The following ACAP2 variants were observed in gnomAD, a reference collection of about 807,000 sequenced individuals.
ACAP2 encodes the protein arf-GAP with coiled-coil, ANK repeat and PH domain-containing protein 2.
Under a neutral mutation model 115.8 loss-of-function variants are expected in ACAP2, and 39 were observed. The observed-to-expected ratio is 0.34, with a 90% confidence interval of 0.26 to 0.44. The LOEUF is 0.44. Among genes scored for constraint, ACAP2 ranks in the 20% least tolerant of loss-of-function variants. ACAP2 has a pLI of 1.00. For missense variants in ACAP2, 662 were observed against 927.6 expected, an observed-to-expected ratio of 0.71 and a Z score of 3.72; for synonymous variants, 289 against 315.8, an observed-to-expected ratio of 0.92 and a Z score of 0.90.
At chr3:195,283,537 T>A (rs1489088373) in intron 22 of ACAP2, among the ~76,000 whole-genome samples, 1 of 152,110 alleles carries the variant, frequency 6.6e-6, no homozygotes, top group Non-Finnish European at 1.5e-5. Flanking sequence ...AGGATCTCAA[T>A]AAAACAAGCA....
At chr3:195,289,659 A>G (rs1560203864) in intron 20 of ACAP2, among the ~76,000 whole-genome samples, 1 of 151,594 alleles carries the variant, frequency 6.6e-6, no homozygotes, top group Non-Finnish European at 1.5e-5. Context: ...AAAAAAACAT[A>G]GCCGGGTGTG....
chr3:195,306,803 C>A (rs1728451011), intron 12 of ACAP2, 187 bp from the exon 13 acceptor site: 5 of 395,176 alleles, frequency 1.3e-5, no homozygotes, highest in Admixed American at 4.5e-5. Flanking sequence ...ATTAAGGTGC[C>A]AATGAAACAA....
chr3:195,357,930 A>C (rs1046420680), intron 4 of ACAP2: 2 of 152,358 alleles, frequency 1.3e-5, no homozygotes, highest in African/African-American at 4.8e-5. Flanking sequence ...AGGAGGAATT[A>C]CCAAACACTT....
intron 7 of ACAP2, among the ~76,000 whole-genome samples, chr3:195,335,034 G>A (rs1366396702): frequency 6.6e-6 from 1 of 152,086 alleles, no homozygotes; most frequent in African/African-American, 2.4e-5. Flanking sequence ...GATAGTCCAT[G>A]AGCTACGAAT....
chr3:195,404,175 A>T (rs1712545205), intron 1 of ACAP2, among the ~76,000 whole-genome samples: 1 of 152,108 alleles, frequency 6.6e-6, no homozygotes, highest in South Asian at 2.1e-4. Flanking sequence ...ATACACACAT[A>T]AAATAAGAAG....
chr3:195,425,250 G>A (rs188303835), intron 1 of ACAP2, among the ~76,000 whole-genome samples: 7 of 152,158 alleles, frequency 4.6e-5, no homozygotes, highest in African/African-American at 1.7e-4. Context: ...TACCCATCAA[G>A]ACTTAACGAT....
intron 4 of ACAP2, among the ~76,000 whole-genome samples, chr3:195,355,333 G>T (rs1577348347): frequency 7.5e-6 from 1 of 133,994 alleles, no homozygotes; most frequent in South Asian, 2.4e-4. Context: ...CCTTCCTCAT[G>T]GACAGCTAAC....
intron 2 of ACAP2, among the ~76,000 whole-genome samples, chr3:195,383,470 G>C (rs1047501216): frequency 3.3e-5 from 5 of 151,668 alleles, no homozygotes; most frequent in African/African-American, 1.2e-4. Context: ...TCATCTGAAG[G>C]GGATAAAAAA....
At chr3:195,421,635 G>T (rs540949829) in intron 1 of ACAP2, among the ~76,000 whole-genome samples, 3 of 152,240 alleles carry the variant, frequency 2.0e-5, no homozygotes, top group Non-Finnish European at 4.4e-5. Context: ...TGATGAGCAA[G>T]AAATCTCCTC....
chr3:195,365,652 T>C (rs1732664021), intron 4 of ACAP2, among the ~76,000 whole-genome samples: 1 of 152,138 alleles, frequency 6.6e-6, no homozygotes, highest in Non-Finnish European at 1.5e-5. Flanking sequence ...ATTCCTGTCC[T>C]TTCCGGAATC....
chr3:195,310,976 A>T lies in ACAP2; in HGVS notation c.858-2139T>A, dbSNP rs539057335. On this transcript the variant is annotated intron_variant, in intron 10 of 22. Coordinates refer to ENST00000326793, the MANE Select transcript of ACAP2 (RefSeq NM_012287.6). ...CACTCCTCCATTGCTATTATAAATT[A>T]AAAAAACTAGTAACATTGACCAAAA... is the stretch of plus-strand genomic sequence containing the variant. Among the ~76,000 whole-genome samples the T allele has an allele frequency of 6.7e-4, 102 of 152,204 alleles. No individual in the cohort carries two copies. In the Middle Eastern group the frequency reaches 0.017, roughly 25 times the overall value.
intron 9 of ACAP2, chr3:195,325,417 T>C: frequency 5.5e-6 from 1 of 182,344 alleles, no homozygotes; most frequent in Non-Finnish European, 1.2e-5. Context: ...TGGACTGATT[T>C]TTTTTTTTTT....
intron 2 of ACAP2, 66 bp from the exon 3 acceptor site, chr3:195,382,088 G>A (rs1733982926): frequency 6.7e-7 from 1 of 1,497,756 alleles, no homozygotes. Context: ...TTGAACAAGT[G>A]TTGGCAGTAA....
chr3:195,438,861 A>G (rs1322897157), intron 1 of ACAP2, among the ~76,000 whole-genome samples: 1 of 152,150 alleles, frequency 6.6e-6, no homozygotes, highest in Non-Finnish European at 1.5e-5. Flanking sequence ...GGAGTTCGAG[A>G]CCAGCCTGGC....
chr3:195,307,200 A>T lies in ACAP2; in HGVS notation c.1010+23T>A, dbSNP rs537541463. On this transcript the variant is annotated intron_variant, in intron 12 of 22. Coordinates refer to ENST00000326793, the MANE Select transcript of ACAP2 (RefSeq NM_012287.6). ...AACTATAAAAACATAAAAGCAAATC[A>T]CAGATCCTTTAGAACCACTTACTTT... 201 of 1,581,744 alleles carry T rather than the reference A, an allele frequency of 1.3e-4. 1 individual carries two copies. Among genetic ancestry groups the T allele is most frequent in the Admixed American group, 5.2e-4 (30 of 57,770 alleles).
At chr3:195,434,529 C>T (rs1715385343) in intron 1 of ACAP2, among the ~76,000 whole-genome samples, 1 of 152,108 alleles carries the variant, frequency 6.6e-6, no homozygotes, top group East Asian at 1.9e-4. Flanking sequence ...AGCCATTGTG[C>T]CCAGCTGGTC....
intron 1 of ACAP2, among the ~76,000 whole-genome samples, chr3:195,394,537 A>G (rs1388402329): frequency 6.6e-6 from 1 of 152,198 alleles, no homozygotes; most frequent in Non-Finnish European, 1.5e-5. Context: ...GGTAAGCAGC[A>G]AGGCACAGTG....
At chr3:195,437,453 A>T (rs545276925) in intron 1 of ACAP2, among the ~76,000 whole-genome samples, 1 of 152,340 alleles carries the variant, frequency 6.6e-6, no homozygotes, top group Admixed American at 6.5e-5. Context: ...CTAGCAAAAG[A>T]AGTAACTATT....
At chr3:195,386,500 G>T (rs1024209058) in intron 2 of ACAP2, among the ~76,000 whole-genome samples, 4 of 152,142 alleles carry the variant, frequency 2.6e-5, no homozygotes, top group Non-Finnish European at 5.9e-5. Flanking sequence ...CAGAGACATG[G>T]ATGAAGCTGG....
Sources: allele counts gnomAD v4.1 joint callset (sites outside exome capture counted in the v4.1 genomes callset), GRCh38; gene constraint gnomAD v4.1.1; transcripts MANE v1.5; gene names NCBI Gene and HGNC (gene_info 2026-07-23, HGNC 2026-07-21).